RNF111: variants seen among roughly 807,000 people sequenced by gnomAD.
The protein encoded by RNF111 is E3 ubiquitin-protein ligase Arkadia.
A neutral mutation model predicts 95.1 loss-of-function variants in RNF111; 17 were observed. The observed-to-expected ratio is 0.18, with a 90% CI of 0.12 to 0.27. RNF111 has a LOEUF of 0.27. Ranked by LOEUF, RNF111 falls within the 10% of genes least tolerant of loss-of-function variation. RNF111 has a pLI of 1.00. For synonymous variants in RNF111, 440 were observed against 414.8 expected (o/e 1.06, Z -0.74); for missense variants, 1,189 against 1,210.4 (o/e 0.98, Z 0.26).
chr15:59,073,489 A>T (rs2043031383), intron 6 of RNF111, among the ~76,000 whole-genome samples: 1 of 138,964 alleles, frequency 7.2e-6, no homozygotes, highest in Non-Finnish European at 1.5e-5. Context: ...TCCAAAAAAA[A>T]AAAAAATAAA....
Position 59,031,620 on chromosome 15 carries a change from T to C in RNF111, c.798T>C (p.Ser266=). The C allele has an allele frequency of 6.2e-7, 1 of 1,614,218 alleles. No individual in the cohort carries two copies. Among genetic ancestry groups the C allele is most frequent in the Non-Finnish European group, 8.5e-7 (1 of 1,180,016 alleles). Reference sequence around the variant, plus strand: ...AGAATGACCTCAGCAGTGAATCCTCTTCTAGCTCATCAACTGAAGGAGAAG... The same window carrying C: ...AGAATGACCTCAGCAGTGAATCCTCCTCTAGCTCATCAACTGAAGGAGAAG... ...SSENDLSSES[S]SSSSTEGEED... Residue 266 remains serine (S), a synonymous_variant, in exon 2 of 14, where the codon TCT becomes TCC. Transcript: ENST00000348370.
intron 8 of RNF111, chr15:59,083,798 T>C (rs1566942112): frequency 6.4e-6 from 1 of 156,460 alleles, no homozygotes; most frequent in Non-Finnish European, 1.4e-5. Flanking sequence ...TTAAAAATTT[T>C]ATTTTTATTT....
In RNF111 at chr15:59,085,738, G is replaced by A. The variant is rs775998043; in HGVS notation, c.2503G>A (p.Ala835Thr). The part of the protein sequence containing the change: ...ALHPHLAHYH[A>T]PPRLHHLQLG... ...GCATCCTCACTTGGCCCATTATCAC[G>A]CACCTCCTCGACTTCATCACTTACA... Residue 835 changes from alanine to threonine, a missense_variant, in exon 10 of 14, where the codon GCA (alanine) becomes ACA (threonine). Physicochemically the swap from Ala to Thr is moderately conservative, Grantham distance 58 (BLOSUM62 0). This residue lies in a region of RNF111 where 165 missense variants were observed against 284.6 expected (regional missense o/e 0.58). Transcript: ENST00000348370. 7.4e-6 allele frequency: 12 copies of A among 1,613,174 alleles called. 1 individual carries two copies. Among genetic ancestry groups the A allele is most frequent in the South Asian group, 4.4e-5 (4 of 91,050 alleles).
chr15:59,075,914 C>T (rs756327399), intron 6 of RNF111, 40 bp from the exon 7 acceptor site: 12 of 1,594,534 alleles, frequency 7.5e-6, no homozygotes, highest in Non-Finnish European at 9.4e-6. Context: ...AATATTTGAC[C>T]AAACTTTAGA....
At chr15:59,024,055 C>T (rs147573238) in intron 1 of RNF111, among the ~76,000 whole-genome samples, 2,060 of 152,240 alleles carry the variant, frequency 0.014, 25 homozygotes, top group Non-Finnish European at 0.021. Flanking sequence ...CAGTTTCTCT[C>T]TTTTAAGGAC....
At chr15:59,082,054 G>A (rs1346456487) in intron 8 of RNF111, among the ~76,000 whole-genome samples, 2 of 152,072 alleles carry the variant, frequency 1.3e-5, no homozygotes, top group Non-Finnish European at 2.9e-5. Flanking sequence ...CTGCAGCCTG[G>A]GTGACACAGG....
chr15:59,004,820 A>G lies in RNF111; in HGVS notation c.-20+16752A>G, dbSNP rs959379175. ...TGTTTTCATTGTTAAATATCAGAGA[A>G]AGAGTAGGTTTGTGTATATGGCCTA... On this transcript the variant is annotated intron_variant, in intron 1 of 13. Coordinates refer to ENST00000348370, the MANE Select transcript of RNF111 (RefSeq NM_017610.8). Among the ~76,000 whole-genome samples, 5 of 152,200 alleles carry G rather than the reference A, an allele frequency of 3.3e-5. No homozygotes were observed. The East Asian group carries it at 9.6e-4, about 29-fold the overall frequency.
Position 59,094,820 on chromosome 15 carries a change from G to C in RNF111, c.2881G>C (p.Val961Leu). 1.2e-6 allele frequency: 2 copies of C among 1,613,082 alleles called. No individual in the cohort carries two copies. Among genetic ancestry groups the C allele is most frequent in the Non-Finnish European group, 1.7e-6 (2 of 1,179,198 alleles). The change falls in exon 14 of 14, where the codon GTT becomes CTT. Residue 961 changes from valine (V) to leucine (L), a missense_variant. This residue lies in a region of RNF111 where 165 missense variants were observed against 284.6 expected (regional missense o/e 0.58). Coordinates refer to ENST00000348370, the MANE Select transcript of RNF111 (RefSeq NM_017610.8). ...PCMHLFHQVC[V>L]DQWLITNKKC... is the part of the protein sequence containing the mutation. ...TATGCACCTTTTCCACCAAGTGTGT[G>C]TTGACCAATGGTTGATTACCAATAA...
intron 1 of RNF111, among the ~76,000 whole-genome samples, chr15:58,996,419 C>CAA (rs537680130): frequency 3.6e-5 from 5 of 139,480 alleles, no homozygotes; most frequent in Admixed American, 1.4e-4. Flanking sequence ...CTGAAAAATG[C>CAA]AAAAAAAAAA....
At chr15:59,053,190 A>G (rs1466974722) in intron 3 of RNF111, among the ~76,000 whole-genome samples, 1 of 152,234 alleles carries the variant, frequency 6.6e-6, no homozygotes, top group African/African-American at 2.4e-5. Flanking sequence ...GAACTAACAC[A>G]TTAATGAAAC....
At chr15:59,041,961 ATT>A (rs79347638) in intron 2 of RNF111, among the ~76,000 whole-genome samples, 67 of 100,048 alleles carry the variant, frequency 6.7e-4, no homozygotes, top group Middle Eastern at 6.8e-3. Flanking sequence ...GTCTGTTCAT[ATT>A]TTTTTTTTTT....
intron 7 of RNF111, among the ~76,000 whole-genome samples, chr15:59,078,029 A>G (rs1434014757): frequency 6.6e-6 from 1 of 152,224 alleles, no homozygotes; most frequent in Non-Finnish European, 1.5e-5. Flanking sequence ...GGGGAAGACA[A>G]TATGGCATAG....
chr15:59,077,017 G>A (rs932976782), intron 7 of RNF111, among the ~76,000 whole-genome samples: 4 of 152,148 alleles, frequency 2.6e-5, no homozygotes, highest in Admixed American at 6.5e-5. Flanking sequence ...GACGCAGCTG[G>A]AATCAACCCA....
chr15:59,069,745 A>T (rs1427075097), intron 6 of RNF111, among the ~76,000 whole-genome samples: 1 of 152,120 alleles, frequency 6.6e-6, no homozygotes. Context: ...AATTAACCAA[A>T]TGCTCATAAA....
At position 59,095,316 on chromosome 15, in the gene RNF111, T is replaced by C. The variant is rs1298301756; in HGVS notation, c.*416T>C. On this transcript the variant is annotated 3_prime_UTR_variant, in exon 14 of 14. Coordinates refer to ENST00000348370, the MANE Select transcript of RNF111 (RefSeq NM_017610.8). The stretch of plus-strand genomic sequence containing the variant: ...CATTACTAACCTTTAATTTAATCAA[T>C]CATGTACTTTAGTTTAATGTATAAA... 1 of 178,194 alleles carries C rather than the reference T, an allele frequency of 5.6e-6. No homozygotes were observed. The highest frequency in any genetic ancestry group is 6.2e-5 in the Admixed American group (1 of 16,178). The allele number at this position is 178,194 out of a possible 1,614,324, so 11.0% of individuals were successfully genotyped here.
At chr15:58,989,440 AGGGTGTTT>A (rs2038711371) in intron 1 of RNF111, among the ~76,000 whole-genome samples, 1 of 152,210 alleles carries the variant, frequency 6.6e-6, no homozygotes, top group African/African-American at 2.4e-5. Flanking sequence ...AGAATTGGTG[AGGGTGTTT>A]ATAAATCTAA....
chr15:59,047,641 T>A (rs914825918), intron 2 of RNF111, among the ~76,000 whole-genome samples: 4 of 152,306 alleles, frequency 2.6e-5, no homozygotes, highest in Admixed American at 2.0e-4. Flanking sequence ...AGTGGTGCCA[T>A]CTTGGCTCAC....
At chr15:59,022,486 G>T (rs1257357130) in intron 1 of RNF111, among the ~76,000 whole-genome samples, 1 of 152,162 alleles carries the variant, frequency 6.6e-6, no homozygotes, top group Non-Finnish European at 1.5e-5. Flanking sequence ...CCATTTAACT[G>T]TATTTTCTTT....
intron 8 of RNF111, among the ~76,000 whole-genome samples, chr15:59,081,516 GAAC>G: frequency 6.7e-6 from 1 of 150,174 alleles, no homozygotes; most frequent in Non-Finnish European, 1.5e-5. Context: ...AAAGAACAAA[GAAC>G]AGCAACAACA....
Sources: gnomAD v4.1 joint callset for allele counts (sites outside exome capture counted in the v4.1 genomes callset) on GRCh38, gnomAD v4.1.1 for gene constraint, gnomAD v4.1.1 regional missense constraint, MANE v1.5 for transcripts, NCBI Gene and HGNC (gene_info 2026-07-23, HGNC 2026-07-21) for gene names.